PREX2: variants seen among roughly 807,000 people sequenced by gnomAD.
PREX2 encodes the protein phosphatidylinositol 3,4,5-trisphosphate-dependent Rac exchanger 2 protein.
A neutral mutation model predicts 203.2 loss-of-function variants in PREX2; 107 were observed. That is an observed-to-expected ratio of 0.53 (90% CI 0.45 to 0.62). The LOEUF (loss-of-function observed/expected upper bound fraction) is 0.62. Ranked by LOEUF, PREX2 falls within the 20% of genes least tolerant of loss-of-function variation. The pLI is 0.00. For synonymous variants in PREX2, 672 were observed against 663.6 expected (o/e 1.01, Z -0.19); for missense variants, 1,777 against 1,955.9 (o/e 0.91, Z 1.72).
intron 35 of PREX2, among the ~76,000 whole-genome samples, chr8:68,173,147 A>C (rs1811912160): frequency 6.6e-6 from 1 of 152,226 alleles, no homozygotes; most frequent in African/African-American, 2.4e-5. Context: ...CCATAAAAAT[A>C]GTTGAATTGA....
At chr8:68,083,124 G>C (rs533280801) in intron 17 of PREX2, 116 bp from the exon 18 acceptor site, 1 of 639,070 alleles carries the variant, frequency 1.6e-6, no homozygotes, top group Middle Eastern at 4.5e-4. Flanking sequence ...CACGGCAGGT[G>C]TGTTAAAATG....
At chr8:68,080,215 T>C in intron 15 of PREX2, among the ~76,000 whole-genome samples, 1 of 152,134 alleles carries the variant, frequency 6.6e-6, no homozygotes, top group Non-Finnish European at 1.5e-5. Flanking sequence ...CTATTTGTTT[T>C]AAAAAATTCA....
chr8:68,059,365 G>T (rs1032690224), intron 10 of PREX2, among the ~76,000 whole-genome samples: 2 of 151,780 alleles, frequency 1.3e-5, no homozygotes, highest in African/African-American at 2.4e-5. Flanking sequence ...TATCTATGAT[G>T]CCTGGGGCTG....
chr8:68,074,630 GAAC>G (rs997306163), intron 14 of PREX2, among the ~76,000 whole-genome samples: 2 of 152,144 alleles, frequency 1.3e-5, no homozygotes, highest in African/African-American at 2.4e-5. Flanking sequence ...AAGGATAAGA[GAAC>G]AACAAGTTAA....
At chr8:68,025,872 T>C (rs1039139249) in intron 4 of PREX2, among the ~76,000 whole-genome samples, 6 of 152,022 alleles carry the variant, frequency 3.9e-5, no homozygotes, top group Non-Finnish European at 8.8e-5. Context: ...TATACAGTAC[T>C]AATACACAAG....
chr8:68,158,088 C>T (rs1376715585), intron 35 of PREX2, among the ~76,000 whole-genome samples: 2 of 121,708 alleles, frequency 1.6e-5, no homozygotes, highest in Non-Finnish European at 3.3e-5. Context: ...TATATATTCA[C>T]ATATATATGT....
At chr8:68,152,566 T>C (rs16934240) in intron 34 of PREX2, among the ~76,000 whole-genome samples, 4,419 of 152,202 alleles carry the variant, frequency 0.029, 216 homozygotes, top group African/African-American at 0.099. Flanking sequence ...TCATAGTTTA[T>C]TGCAAGGATT....
At chr8:68,120,386 A>C (rs1810747346) in intron 29 of PREX2, 100 bp downstream of exon 29, 2 of 752,590 alleles carry the variant, frequency 2.7e-6, no homozygotes, top group East Asian at 2.5e-5. Flanking sequence ...GAACAATTCC[A>C]GTTACTCATG....
intron 37 of PREX2, among the ~76,000 whole-genome samples, chr8:68,207,096 CAATT>C (rs1170088010): frequency 5.3e-5 from 8 of 151,990 alleles, no homozygotes; most frequent in African/African-American, 1.4e-4. Flanking sequence ...GATGATATAA[CAATT>C]AATAATATAA....
intron 35 of PREX2, 45 bp from the exon 36 acceptor site, chr8:68,191,677 C>G: frequency 7.2e-7 from 1 of 1,393,612 alleles, no homozygotes; most frequent in East Asian, 2.3e-5. Flanking sequence ...CATATTATGT[C>G]TTTTCCTAAC....
chr8:68,061,992 A>G (rs1225907380), intron 11 of PREX2, among the ~76,000 whole-genome samples: 1 of 152,140 alleles, frequency 6.6e-6, no homozygotes, highest in Non-Finnish European at 1.5e-5. Flanking sequence ...ATGTTTGGCT[A>G]TGGTATTTTG....
intron 25 of PREX2, among the ~76,000 whole-genome samples, chr8:68,115,138 C>T (rs942907644): frequency 6.7e-6 from 1 of 150,094 alleles, no homozygotes; most frequent in Non-Finnish European, 1.5e-5. Context: ...AGCAATTCTC[C>T]TGCCTTAGCC....
chr8:68,134,676 A>T (rs1811076332), intron 32 of PREX2, among the ~76,000 whole-genome samples: 1 of 152,210 alleles, frequency 6.6e-6, no homozygotes, highest in South Asian at 2.1e-4. Context: ...CAGGCTTGAG[A>T]GCCAAGCTTG....
intron 18 of PREX2, among the ~76,000 whole-genome samples, chr8:68,086,449 T>A (rs1241485613): frequency 6.6e-6 from 1 of 152,224 alleles, no homozygotes; most frequent in African/African-American, 2.4e-5. Flanking sequence ...GCCCTTGAAG[T>A]GCTGCTGACA....
At chr8:68,029,934 T>G (rs1266784972) in intron 5 of PREX2, among the ~76,000 whole-genome samples, 6 of 152,150 alleles carry the variant, frequency 3.9e-5, no homozygotes, top group Admixed American at 3.3e-4. Context: ...CCTGAGTAAT[T>G]GGGGAAAACA....
At chr8:68,213,186 C>T (rs1812773389) in intron 37 of PREX2, among the ~76,000 whole-genome samples, 1 of 152,190 alleles carries the variant, frequency 6.6e-6, no homozygotes, top group Non-Finnish European at 1.5e-5. Context: ...TGCATCCCAA[C>T]TCAACTTTCT....
Position 68,038,170 on chromosome 8 carries a change from C to T in PREX2, c.717C>T (p.Ile239=). Reference sequence around the variant, plus strand: ...TTCTCCTGACTTAGGGGTCCAACATCACTGACACCTGCACTGAAATGCTAA... The same window carrying T: ...TTCTCCTGACTTAGGGGTCCAACATTACTGACACCTGCACTGAAATGCTAA... The part of the protein sequence containing the change: ...SHIEGWEGSN[I]TDTCTEMLMC... The change falls in exon 7 of 40, where the codon ATC becomes ATT. Residue 239 remains isoleucine, a synonymous_variant. Transcript: ENST00000288368. 6.2e-7 allele frequency: 1 copy of T among 1,613,496 alleles called. No homozygotes were observed. The highest frequency in any genetic ancestry group is 8.5e-7 in the Non-Finnish European group (1 of 1,179,526).
intron 35 of PREX2, among the ~76,000 whole-genome samples, chr8:68,186,748 G>T (rs895095685): frequency 6.6e-6 from 1 of 152,110 alleles, no homozygotes; most frequent in Admixed American, 6.6e-5. Flanking sequence ...TCCTGACCTC[G>T]TGATCCACCC....
At chr8:68,072,308 T>C (rs1455665664) in intron 13 of PREX2, among the ~76,000 whole-genome samples, 187 bp from the exon 14 acceptor site, 2 of 152,120 alleles carry the variant, frequency 1.3e-5, no homozygotes, top group Non-Finnish European at 2.9e-5. Context: ...GGTGGAGGAT[T>C]TTTCAGGTGT....
Sources: allele counts gnomAD v4.1 joint callset (sites outside exome capture counted in the v4.1 genomes callset), GRCh38; gene constraint gnomAD v4.1.1; transcripts MANE v1.5; gene names NCBI Gene and HGNC (gene_info 2026-07-23, HGNC 2026-07-21).